Variants in EFHD1 observed in about 807,000 individuals in gnomAD.
EFHD1 encodes EF-hand domain family member D1, also known as EF-hand domain-containing protein D1.
EFHD1 carries 10 observed loss-of-function variants against 17.2 expected under a neutral mutation model. The ratio of observed to expected loss-of-function variants is 0.58; its 90% CI spans 0.36 to 0.99. The LOEUF is 0.99. Ranked by LOEUF, EFHD1 falls within the 50% of genes least tolerant of loss-of-function variation. EFHD1 has a pLI of 0.01. For missense variants in EFHD1, 310 were observed against 327.5 expected (o/e 0.95, Z 0.41); for synonymous variants, 153 against 142.0 (o/e 1.08, Z -0.55).
chr2:232,661,224 C>G (rs1428777217), intron 1 of EFHD1, among the ~76,000 whole-genome samples: 1 of 152,112 alleles, frequency 6.6e-6, no homozygotes, highest in Non-Finnish European at 1.5e-5. Flanking sequence ...AGTACATTCA[C>G]ATTATCGTGC....
chr2:232,632,901 T>G (rs1438575441), upstream of EFHD1, among the ~76,000 whole-genome samples: 1 of 152,248 alleles, frequency 6.6e-6, no homozygotes, highest in East Asian at 1.9e-4. Context: ...GGATTGCGGA[T>G]GTGAGTCTCC....
intron 1 of EFHD1, among the ~76,000 whole-genome samples, chr2:232,621,240 T>C (rs1032957593): frequency 3.3e-5 from 5 of 152,070 alleles, no homozygotes; most frequent in African/African-American, 4.8e-5. Context: ...ATTGGCGTAG[T>C]CTGTGCCTGC....
chr2:232,681,136 A>T (rs1695274641), intron 3 of EFHD1, among the ~76,000 whole-genome samples: 1 of 152,162 alleles, frequency 6.6e-6, no homozygotes, highest in Non-Finnish European at 1.5e-5. Context: ...AGCCTGAGCG[A>T]CAGAGCGAGA....
chr2:232,625,938 C>T (rs534365418), intron 1 of EFHD1, among the ~76,000 whole-genome samples: 1 of 152,150 alleles, frequency 6.6e-6, no homozygotes. Context: ...CACCTGTAAT[C>T]CCAGCATTTT....
intron 1 of EFHD1, among the ~76,000 whole-genome samples, chr2:232,653,780 G>C (rs1295630958): frequency 6.6e-6 from 1 of 152,116 alleles, no homozygotes; most frequent in African/African-American, 2.4e-5. Context: ...CTTTATTCCT[G>C]TACCCAGCTG....
intron 1 of EFHD1, among the ~76,000 whole-genome samples, chr2:232,615,216 T>C (rs2106183538): frequency 6.6e-6 from 1 of 152,170 alleles, no homozygotes; most frequent in African/African-American, 2.4e-5. Flanking sequence ...AGCAGGCTAT[T>C]AGCAGTTAAC....
chr2:232,668,070 CTT>C (rs554807625), intron 2 of EFHD1, among the ~76,000 whole-genome samples: 60 of 152,302 alleles, frequency 3.9e-4, no homozygotes, highest in African/African-American at 1.4e-3. Context: ...CTTGCTGTCT[CTT>C]TGTTTTCTAC....
chr2:232,633,500 C>G (rs1694241859), upstream of EFHD1: 1 of 1,255,086 alleles, frequency 8.0e-7, no homozygotes, highest in African/African-American at 1.6e-5. Flanking sequence ...GGCTGGCAGT[C>G]GCTGAGCCCT....
At chr2:232,665,782 C>T (rs988342612) in intron 2 of EFHD1, among the ~76,000 whole-genome samples, 3 of 152,226 alleles carry the variant, frequency 2.0e-5, no homozygotes, top group African/African-American at 7.2e-5. Context: ...AAGTCTCAGT[C>T]ATGTCTCACC....
chr2:232,618,180 C>G (rs1029840181), intron 1 of EFHD1, among the ~76,000 whole-genome samples: 2 of 151,356 alleles, frequency 1.3e-5, no homozygotes, highest in Non-Finnish European at 2.9e-5. Context: ...CCACCGTGCC[C>G]GGATAATTTT....
intron 3 of EFHD1, among the ~76,000 whole-genome samples, chr2:232,676,069 A>G (rs535434428): frequency 6.6e-6 from 1 of 152,172 alleles, no homozygotes; most frequent in South Asian, 2.1e-4. Flanking sequence ...CCAGCTACTC[A>G]GGAGGCTGAG....
chr2:232,638,569 A>T (rs1694363047), intron 1 of EFHD1: 1 of 411,616 alleles, frequency 2.4e-6, no homozygotes, highest in Admixed American at 3.1e-5. Context: ...TCTCTAAAGG[A>T]GAGAGAAGCG....
rs1301363582 is a variant in EFHD1 at position 232,682,405 on chromosome 2, C to T, written c.*686C>T. On this transcript the variant is annotated 3_prime_UTR_variant, in exon 4 of 4. Coordinates refer to ENST00000264059, the MANE Select transcript of EFHD1 (RefSeq NM_025202.4). ...ATGTCTTCCCAGCTCAGCCTTTTCC[C>T]CACTCTTAAATACTGTACTACTTCA... The T allele has an allele frequency of 6.6e-6, 1 of 152,398 alleles. No individual in the cohort carries two copies. The highest frequency in any genetic ancestry group is 6.5e-5 in the Admixed American group (1 of 15,282). 9.4% of individuals were successfully genotyped at this position (152,398 alleles called of 1,614,324 possible). A position where few individuals can be genotyped will look rare whatever the true frequency, so the allele number is the denominator to read the frequency against.
intron 1 of EFHD1, among the ~76,000 whole-genome samples, chr2:232,649,287 G>C (rs1280571397): frequency 1.3e-5 from 2 of 152,156 alleles, no homozygotes. Flanking sequence ...CAGTGGGCAC[G>C]CACAGCAGCA....
chr2:232,646,240 G>C (rs900785462), intron 1 of EFHD1, among the ~76,000 whole-genome samples: 3 of 152,018 alleles, frequency 2.0e-5, no homozygotes, highest in Non-Finnish European at 4.4e-5. Context: ...GACTCCTCAT[G>C]TGGACCCTTA....
At chr2:232,619,064 G>A (rs543089169) in intron 1 of EFHD1, among the ~76,000 whole-genome samples, 9 of 151,892 alleles carry the variant, frequency 5.9e-5, no homozygotes, top group South Asian at 2.1e-4. Flanking sequence ...CAGGAGAATC[G>A]CTTGAACCTG....
rs115315627 is a variant in EFHD1, at chr2:232,674,830, G to A, written c.585+2387G>A. Among the ~76,000 whole-genome samples the A allele has an allele frequency of 9.1e-3, 1,380 of 152,164 alleles. 20 individuals are homozygous for A. The highest frequency in any genetic ancestry group is 0.03 in the African/African-American group (1,249 of 41,514). On this transcript the variant is annotated intron_variant, in intron 3 of 3. Transcript: ENST00000264059. Reference sequence around the variant, plus strand: ...AAGGAAGGGAGGGCGTTGTGATCGTGGGAACACCAAGTGGAAGGCTCCAAG... The same window carrying A: ...AAGGAAGGGAGGGCGTTGTGATCGTAGGAACACCAAGTGGAAGGCTCCAAG...
chr2:232,664,825 G>A (rs1694941264), intron 2 of EFHD1, among the ~76,000 whole-genome samples: 1 of 151,196 alleles, frequency 6.6e-6, no homozygotes, highest in South Asian at 2.1e-4. Context: ...ATGTTAGTCA[G>A]GATGGTCTCG....
intron 1 of EFHD1, among the ~76,000 whole-genome samples, chr2:232,616,260 A>G (rs1693927304): frequency 2.0e-5 from 3 of 152,150 alleles, no homozygotes; most frequent in Admixed American, 1.3e-4. Flanking sequence ...TCAGTGAAAT[A>G]AGCCAGTCAC....
Sources: allele counts gnomAD v4.1 joint callset (sites outside exome capture counted in the v4.1 genomes callset), GRCh38; gene constraint gnomAD v4.1.1; transcripts MANE v1.5; gene names NCBI Gene and HGNC (gene_info 2026-07-23, HGNC 2026-07-21).